The following TRRAP variants were observed in gnomAD, a reference collection of about 807,000 sequenced individuals.
TRRAP encodes the protein transformation/transcription domain associated protein.
In TRRAP, 41 loss-of-function variants were observed where a neutral mutation model predicts 438.8. The ratio of observed to expected loss-of-function variants is 0.09; its 90% confidence interval spans 0.07 to 0.12. The LOEUF (loss-of-function observed/expected upper bound fraction) is 0.12. TRRAP is among the 10% of genes least tolerant of loss of function. TRRAP has a pLI of 1.00. For synonymous variants in TRRAP, 1,994 were observed against 1,962.9 expected, an observed-to-expected ratio of 1.02 and a Z score of -0.42; for missense variants, 3,122 against 5,055.1, an observed-to-expected ratio of 0.62 and a Z score of 11.60.
At chr7:98,938,521 CATATGTGT>C (rs374175614) in intron 30 of TRRAP, among the ~76,000 whole-genome samples, 15 of 149,698 alleles carry the variant, frequency 1.0e-4, no homozygotes, top group African/African-American at 3.4e-4. Context: ...TGTAAGAGGA[CATATGTGT>C]ATATATTTTT....
rs782098221 is a variant in TRRAP, at chr7:98,927,155, T to A, written c.2976-12T>A. The A allele has an allele frequency of 1.2e-6, 2 of 1,614,198 alleles. No individual in the cohort carries two copies. The highest frequency in any genetic ancestry group is 1.1e-5 in the South Asian group (1 of 91,068). On this transcript the variant is annotated splice_polypyrimidine_tract_variant and intron_variant, in intron 22 of 72. Coordinates refer to ENST00000456197, the MANE Select transcript of TRRAP (RefSeq NM_001375524.1). ...TGGGTGTCGTGACACCAGATCTGAT[T>A]TTGCCTTTCAGCTTTACAGAAAAGA... is the stretch of plus-strand genomic sequence containing the variant.
chr7:98,947,946 C>G (rs372909499), intron 33 of TRRAP, among the ~76,000 whole-genome samples: 1 of 152,182 alleles, frequency 6.6e-6, no homozygotes. Flanking sequence ...GCACGCATGA[C>G]AGCAAACAGC....
rs192559342 is a variant in TRRAP, at chr7:98,958,319, T to C, written c.6342+228T>C. ...GATCTAATTTTTTTGGTTTTTTTTT[T>C]TGAGATGGAGTCTCGCTTTGTTGCC... On this transcript the variant is annotated intron_variant, in intron 44 of 72. Coordinates refer to ENST00000456197, the MANE Select transcript of TRRAP (RefSeq NM_001375524.1). 3.9e-4 allele frequency among the ~76,000 whole-genome samples: 60 copies of C among 152,266 alleles called. No homozygotes were observed. In the East Asian group the frequency reaches 0.011, roughly 27 times the overall value.
intron 64 of TRRAP, 87 bp from the exon 65 acceptor site, chr7:98,992,050 T>G (rs1399141683): frequency 2.1e-6 from 3 of 1,459,656 alleles, no homozygotes; most frequent in Non-Finnish European, 2.9e-6. Context: ...TGTTTCTGAC[T>G]TGACATTGGT....
At position 98,959,456 on chromosome 7, in the gene TRRAP, A is replaced by G. The variant is rs1476296173; in HGVS notation, c.6455A>G (p.Lys2152Arg). Residue 2152 changes from lysine to arginine, a missense_variant, in exon 45 of 73, where the codon AAG (lysine) becomes AGG (arginine). Lys to Arg is a conservative substitution (Grantham distance 26, BLOSUM62 2). Coordinates refer to ENST00000456197, the MANE Select transcript of TRRAP (RefSeq NM_001375524.1). ...GACATGTGGCCCAAGTCCGAACTCA[A>G]GCTGCAGTGGTTCGACAAGCTGCTG... Reference protein sequence around the residue: ...RPDMWPKSELKLQWFDKLLMT... With the variant: ...RPDMWPKSELRLQWFDKLLMT... The G allele has an allele frequency of 2.5e-5, 40 of 1,613,750 alleles. No individual in the cohort carries two copies. The highest frequency in any genetic ancestry group is 3.1e-5 in the Non-Finnish European group (36 of 1,179,960).
rs1794435808 is a variant in TRRAP at position 99,011,734 on chromosome 7, G to GA, written c.11337+201dup. Among the ~76,000 whole-genome samples the GA allele has an allele frequency of 6.6e-6, 1 of 152,266 alleles. No individual in the cohort carries two copies. Among genetic ancestry groups the GA allele is most frequent in the South Asian group, 2.1e-4 (1 of 4,836 alleles). The stretch of plus-strand genomic sequence containing the variant: ...GGTTCACTCTTGTCTGTAGTGCTTG[G>GA]AACGGGCCTGCCTGACACTCGGCAG... On this transcript the variant is annotated intron_variant, in intron 72 of 72. Coordinates refer to ENST00000456197, the MANE Select transcript of TRRAP (RefSeq NM_001375524.1). The surrounding 1 kb of genome is among the most constrained non-coding windows in gnomAD (Gnocchi z 7.1).
chr7:98,976,632 G>C lies in TRRAP; in HGVS notation c.8109G>C (p.Leu2703=), dbSNP rs1371640654. Residue 2703 remains leucine, a synonymous_variant, in exon 55 of 73, where the codon CTG becomes CTC. Coordinates refer to ENST00000456197, the MANE Select transcript of TRRAP (RefSeq NM_001375524.1). This position sits in a 1 kb window ranked among gnomAD's most constrained non-coding sequence, Gnocchi z 4.6. The part of the protein sequence containing the change: ...IPIRPCVLKY[L]GKTHNLWFRS... The stretch of plus-strand genomic sequence containing the variant: ...TCCGACCCTGCGTCCTGAAGTACCT[G>C]GGGAAGACACACAACCTCTGGTTCC... 3.7e-6 allele frequency: 6 copies of C among 1,614,172 alleles called. No individual in the cohort carries two copies. Among genetic ancestry groups the C allele is most frequent in the Non-Finnish European group, 8.5e-7 (1 of 1,180,038 alleles).
At chr7:98,959,207 G>T in intron 44 of TRRAP, 137 bp from the exon 45 acceptor site, 1 of 1,217,742 alleles carries the variant, frequency 8.2e-7, no homozygotes, top group Non-Finnish European at 1.2e-6. Flanking sequence ...GTGGAGGTCA[G>T]GCGGAAGAGA....
intron 3 of TRRAP, 116 bp downstream of exon 3, chr7:98,882,140 T>C: frequency 2.2e-6 from 2 of 901,624 alleles, no homozygotes; most frequent in Non-Finnish European, 3.3e-6. Context: ...TTTGTTCAAG[T>C]AATTTAGTAT....
At chr7:98,936,980 G>GCA (rs1790584627) in intron 28 of TRRAP, among the ~76,000 whole-genome samples, 176 bp from the exon 29 acceptor site, 1 of 152,162 alleles carries the variant, frequency 6.6e-6, no homozygotes, top group Admixed American at 6.5e-5. Context: ...TGTAATCCTA[G>GCA]CACTGGGGAG....
intron 51 of TRRAP, 39 bp from the exon 52 acceptor site, chr7:98,970,073 G>A (rs374348270): frequency 8.1e-6 from 13 of 1,603,338 alleles, no homozygotes; most frequent in East Asian, 2.2e-5. Flanking sequence ...AATGCCACGC[G>A]CATGCCTTGG....
chr7:98,909,816 A>G (rs986685369), intron 14 of TRRAP, among the ~76,000 whole-genome samples: 4 of 152,180 alleles, frequency 2.6e-5, no homozygotes, highest in Non-Finnish European at 5.9e-5. Flanking sequence ...CGTGGCACAA[A>G]GGAGGTGCCC....
intron 51 of TRRAP, among the ~76,000 whole-genome samples, chr7:98,968,973 C>T (rs1017491170): frequency 3.9e-5 from 6 of 152,182 alleles, no homozygotes; most frequent in African/African-American, 1.2e-4. Context: ...CCATGTGAAT[C>T]GGTCAGGGGA....
At position 98,908,694 on chromosome 7, in the gene TRRAP, G is replaced by C. The variant is rs1554407929; in HGVS notation, c.1116-34G>C. On this transcript the variant is annotated intron_variant, in intron 13 of 72. Coordinates refer to ENST00000456197, the MANE Select transcript of TRRAP (RefSeq NM_001375524.1). The surrounding 1 kb of genome is among the most constrained non-coding windows in gnomAD (Gnocchi z 4.1). ...CCTGCTGCAGCAGGCATGGCCACGT[G>C]GGAATGAGCACTAGTCGAGGTCTCT... The C allele has an allele frequency of 6.5e-7, 1 of 1,530,976 alleles. No homozygotes were observed. Among genetic ancestry groups the C allele is most frequent in the Non-Finnish European group, 8.8e-7 (1 of 1,138,826 alleles). 94.8% of individuals were successfully genotyped at this position (1,530,976 alleles called of 1,614,324 possible).
chr7:98,944,777 TGACTA>T, intron 31 of TRRAP, among the ~76,000 whole-genome samples: 1 of 152,354 alleles, frequency 6.6e-6, no homozygotes, highest in South Asian at 2.1e-4. Context: ...GCTAGATCGT[TGACTA>T]AAGAAATAAG....
Position 98,916,341 on chromosome 7 carries a change from A to G in TRRAP, c.2365+453A>G, listed in dbSNP as rs183971518. ...CATTTAGCTTCTGATTTACATAGCCAGAATCCTGTAATTCCTGTATAATTA... is the reference window on the plus strand; with the variant it reads ...CATTTAGCTTCTGATTTACATAGCCGGAATCCTGTAATTCCTGTATAATTA... On this transcript the variant is annotated intron_variant, in intron 19 of 72. Transcript: ENST00000456197. Among the ~76,000 whole-genome samples, 4 of 152,344 alleles carry G rather than the reference A, an allele frequency of 2.6e-5. No individual in the cohort carries two copies. In the East Asian group the frequency reaches 5.8e-4, roughly 22 times the overall value.
intron 10 of TRRAP, 55 bp downstream of exon 10, chr7:98,899,822 A>C: frequency 2.5e-6 from 4 of 1,574,438 alleles, no homozygotes; most frequent in East Asian, 4.5e-5. Context: ...GTAAAAATAC[A>C]CTTGCTGTTG....
At position 98,953,228 on chromosome 7, in the gene TRRAP, A is replaced by T. The variant is rs1554418667; in HGVS notation, c.5525A>T (p.Tyr1842Phe). The T allele has an allele frequency of 6.2e-7, 1 of 1,613,294 alleles. No individual in the cohort carries two copies. Among genetic ancestry groups the T allele is most frequent in the East Asian group, 2.2e-5 (1 of 44,838 alleles). The change falls in exon 40 of 73, where the codon TAC (tyrosine) becomes TTC (phenylalanine). Residue 1842 changes from tyrosine to phenylalanine, a missense_variant. Around this residue, in one of 24 missense-constraint regions of TRRAP, gnomAD observed 272 missense variants for 348.5 expected, o/e 0.78. Coordinates refer to ENST00000456197, the MANE Select transcript of TRRAP (RefSeq NM_001375524.1). ...TCGCTGCGGATCTACCTGCTGCAGT[A>T]CGCCACGCTGCTGGTGGAGCACGCC... ...LDSLRIYLLQYATLLVEHAPH... is the reference protein window; with the variant it reads ...LDSLRIYLLQFATLLVEHAPH...
At chr7:98,958,113 C>T (rs373226741) in intron 44 of TRRAP, 22 bp downstream of exon 44, 23 of 1,598,838 alleles carry the variant, frequency 1.4e-5, no homozygotes, top group Middle Eastern at 1.7e-4. Flanking sequence ...AAGTGCCCTG[C>T]GTTAGGGCTT....
Sources: allele counts gnomAD v4.1 joint callset (sites outside exome capture counted in the v4.1 genomes callset), GRCh38; gene constraint gnomAD v4.1.1; regional missense constraint gnomAD v4.1.1; non-coding constraint Gnocchi (gnomAD v3.1); transcripts MANE v1.5; gene names NCBI Gene and HGNC (gene_info 2026-07-23, HGNC 2026-07-21).